OSBPL1A: variants seen among roughly 807,000 people sequenced by gnomAD.
OSBPL1A encodes oxysterol binding protein like 1A.
A neutral mutation model predicts 137.1 loss-of-function variants in OSBPL1A; 80 were observed. The observed-to-expected ratio is 0.58, with a 90% CI of 0.49 to 0.70. The LOEUF (loss-of-function observed/expected upper bound fraction) is 0.70. Ranked by LOEUF, OSBPL1A falls within the 30% of genes least tolerant of loss-of-function variation. OSBPL1A has a pLI of 0.00. For synonymous variants in OSBPL1A, 365 were observed against 389.7 expected, an observed-to-expected ratio of 0.94 and a Z score of 0.75; for missense variants, 970 against 1,129.4, an observed-to-expected ratio of 0.86 and a Z score of 2.02.
intron 15 of OSBPL1A, among the ~76,000 whole-genome samples, chr18:24,275,746 T>TGA (rs2089831826): frequency 6.6e-6 from 1 of 151,592 alleles, no homozygotes; most frequent in African/African-American, 2.4e-5. Flanking sequence ...TTTTTTTTCT[T>TGA]GAGACGGAGT....
At chr18:24,308,698 G>A (rs1465945374) in intron 13 of OSBPL1A, among the ~76,000 whole-genome samples, 1 of 152,136 alleles carries the variant, frequency 6.6e-6, no homozygotes, top group Admixed American at 6.5e-5. Flanking sequence ...GTCCGTTGTG[G>A]TAGCCACATG....
chr18:24,325,050 C>A (rs1026915925), intron 7 of OSBPL1A, among the ~76,000 whole-genome samples: 1 of 151,924 alleles, frequency 6.6e-6, no homozygotes, highest in Non-Finnish European at 1.5e-5. Context: ...TGCGCCACTG[C>A]ACTCCAGCCT....
At chr18:24,180,289 T>C (rs906364537) in intron 19 of OSBPL1A, among the ~76,000 whole-genome samples, 69 of 152,194 alleles carry the variant, frequency 4.5e-4, no homozygotes, top group African/African-American at 1.6e-3. Flanking sequence ...TATTGCTTTG[T>C]TGAAGGAGAA....
intron 15 of OSBPL1A, among the ~76,000 whole-genome samples, chr18:24,254,032 A>C (rs72884845): frequency 0.33 from 49,672 of 152,160 alleles, 9,542 homozygotes; most frequent in Middle Eastern, 0.5. Flanking sequence ...TCCCAAAGTT[A>C]GTCTGACCTA....
intron 1 of OSBPL1A, among the ~76,000 whole-genome samples, chr18:24,396,919 AATTAT>A (rs1306409381): frequency 6.6e-6 from 1 of 152,206 alleles, no homozygotes; most frequent in Admixed American, 6.5e-5. Flanking sequence ...AAGCTGATTT[AATTAT>A]ATTATTAACT....
intron 21 of OSBPL1A, among the ~76,000 whole-genome samples, chr18:24,175,104 G>GTGTGTATA (rs1491534405): frequency 4.7e-5 from 2 of 42,720 alleles, no homozygotes; most frequent in African/African-American, 1.5e-4. Flanking sequence ...TTTGCCATGT[G>GTGTGTATA]TATGTATATA....
At chr18:24,208,860 T>C (rs2087448109) in intron 17 of OSBPL1A, among the ~76,000 whole-genome samples, 2 of 152,230 alleles carry the variant, frequency 1.3e-5, no homozygotes, top group Non-Finnish European at 2.9e-5. Context: ...GGAATTAAAA[T>C]GTTGCATCAC....
chr18:24,259,467 C>A (rs2089384880), intron 15 of OSBPL1A, among the ~76,000 whole-genome samples: 1 of 152,016 alleles, frequency 6.6e-6, no homozygotes, highest in Admixed American at 6.6e-5. Context: ...TAAGTTCTGG[C>A]CAAGAAGAAT....
intron 13 of OSBPL1A, among the ~76,000 whole-genome samples, chr18:24,309,822 G>A (rs749551021): frequency 9.9e-5 from 15 of 152,146 alleles, no homozygotes; most frequent in Middle Eastern, 3.2e-3. Context: ...GGAAGCGGGA[G>A]GATCACTTGA....
intron 23 of OSBPL1A, among the ~76,000 whole-genome samples, chr18:24,171,123 C>G (rs565774872): frequency 6.6e-6 from 1 of 151,808 alleles, no homozygotes; most frequent in Non-Finnish European, 1.5e-5. Flanking sequence ...CAACCTCCGC[C>G]TCCCAGGTTC....
At chr18:24,327,037 G>T (rs926244786) in intron 7 of OSBPL1A, among the ~76,000 whole-genome samples, 1 of 151,794 alleles carries the variant, frequency 6.6e-6, no homozygotes, top group Non-Finnish European at 1.5e-5. Flanking sequence ...GGTAATTTGC[G>T]GGTTTTTTCT....
intron 1 of OSBPL1A, among the ~76,000 whole-genome samples, chr18:24,380,050 T>C (rs1321498688): frequency 1.3e-5 from 2 of 152,216 alleles, no homozygotes; most frequent in African/African-American, 4.8e-5. Flanking sequence ...ATCAGAATGA[T>C]TTTGACTTCT....
In OSBPL1A at chr18:24,271,904, C is replaced by A. The variant is rs1364112561; in HGVS notation, c.1281+8938G>T. ...GACTCCCGCGCCGCGCCCGCCCGGGCCGCAGAGGTCTGCGCTGCCCCTCCG... is the reference window on the plus strand; with the variant it reads ...GACTCCCGCGCCGCGCCCGCCCGGGACGCAGAGGTCTGCGCTGCCCCTCCG... On this transcript the variant is annotated intron_variant, in intron 15 of 27. Transcript: ENST00000319481. The surrounding 1 kb of genome is among the most constrained non-coding windows in gnomAD (Gnocchi z 4.0). 11 of 984,304 alleles carry A rather than the reference C, an allele frequency of 1.1e-5. No homozygotes were observed. Among genetic ancestry groups the A allele is most frequent in the Middle Eastern group, 5.2e-4 (1 of 1,934 alleles). 61.0% of individuals were successfully genotyped at this position (984,304 alleles called of 1,614,324 possible).
At position 24,234,738 on chromosome 18, in the gene OSBPL1A, TA is replaced by T. The variant is rs759112932; in HGVS notation, c.1444+4481del. 3.5e-4 allele frequency among the ~76,000 whole-genome samples: 53 copies of T among 152,376 alleles called. 3 individuals are homozygous for T. Among genetic ancestry groups the T allele is most frequent in the East Asian group, 3.3e-3 (17 of 5,194 alleles). On this transcript the variant is annotated intron_variant, in intron 16 of 27. Coordinates refer to ENST00000319481, the MANE Select transcript of OSBPL1A (RefSeq NM_080597.4). The stretch of plus-strand genomic sequence containing the variant: ...AAAGTAACACGAGTTAACAACTTTT[TA>T]AAAGATTAAACATTTAGTGAAAATA...
chr18:24,334,178 TA>T, intron 6 of OSBPL1A, 66 bp downstream of exon 6: 1 of 1,329,316 alleles, frequency 7.5e-7, no homozygotes, highest in Non-Finnish European at 1.0e-6. Flanking sequence ...TAACATTAAG[TA>T]AAAATTTTCC....
At position 24,324,092 on chromosome 18, in the gene OSBPL1A, G is replaced by A. The variant is rs1419116826; in HGVS notation, c.626-5283C>T. On this transcript the variant is annotated intron_variant, in intron 7 of 27. Transcript: ENST00000319481. ...AAAAAAATTAGCCAGGAGTGGTGGT[G>A]AGCACTTGTAATCCCAGCTACTCAG... Among the ~76,000 whole-genome samples the A allele has an allele frequency of 3.8e-5, 3 of 79,554 alleles. 1 individual carries two copies. The highest frequency in any genetic ancestry group is 7.6e-5 in the Non-Finnish European group (3 of 39,232). 52.2% of individuals were successfully genotyped at this position (79,554 alleles called of 152,430 possible). A position where few individuals can be genotyped will look rare whatever the true frequency, so the allele number is the denominator to read the frequency against.
At position 24,301,604 on chromosome 18, in the gene OSBPL1A, C is replaced by T. The variant is rs149610698; in HGVS notation, c.1174+2033G>A. Among the ~76,000 whole-genome samples, 687 of 152,304 alleles carry T rather than the reference C, an allele frequency of 4.5e-3. 2 individuals carry two copies. Among genetic ancestry groups the T allele is most frequent in the African/African-American group, 0.015 (642 of 41,558 alleles). On this transcript the variant is annotated intron_variant, in intron 14 of 27. Transcript: ENST00000319481. ...TAGAGTAAAACCACTGAATTGTACA[C>T]TTCACATGTGTGAATTTTGTTATGT...
chr18:24,278,040 GTGTT>G (rs2146069823), intron 15 of OSBPL1A, among the ~76,000 whole-genome samples: 1 of 152,270 alleles, frequency 6.6e-6, no homozygotes, highest in East Asian at 1.9e-4. Context: ...CAACTCTGAG[GTGTT>G]TATTTTCATT....
At chr18:24,204,116 A>C (rs1193680701) in intron 17 of OSBPL1A, among the ~76,000 whole-genome samples, 1 of 152,224 alleles carries the variant, frequency 6.6e-6, no homozygotes, top group Non-Finnish European at 1.5e-5. Flanking sequence ...ATGCGGCCAG[A>C]CTGCTTTTGG....
Sources: allele counts gnomAD v4.1 joint callset (sites outside exome capture counted in the v4.1 genomes callset), GRCh38; gene constraint gnomAD v4.1.1; non-coding constraint Gnocchi (gnomAD v3.1); transcripts MANE v1.5; gene names NCBI Gene and HGNC (gene_info 2026-07-23, HGNC 2026-07-21).